The following ESRRG variants were observed in gnomAD, a reference collection of about 807,000 sequenced individuals.
The protein encoded by ESRRG is estrogen related receptor gamma.
ESRRG carries 13 observed loss-of-function variants against 44.0 expected under a neutral mutation model. That is an observed-to-expected ratio of 0.30 (90% confidence interval 0.19 to 0.47). The LOEUF (loss-of-function observed/expected upper bound fraction) is 0.47, where lower values mean the gene tolerates loss of function less well. ESRRG is among the 20% of genes least tolerant of loss of function. The pLI, the probability that ESRRG is intolerant of heterozygous loss-of-function variation, is 1.00. For synonymous variants in ESRRG, 215 were observed against 214.6 expected, an observed-to-expected ratio of 1.00 and a Z score of -0.02; for missense variants, 395 against 580.6, an observed-to-expected ratio of 0.68 and a Z score of 3.29.
chr1:216,720,014 G>A (rs547745800), intron 1 of ESRRG, among the ~76,000 whole-genome samples: 1 of 152,110 alleles, frequency 6.6e-6, no homozygotes, highest in African/African-American at 2.4e-5. Context: ...AAGGGCTAGT[G>A]GAACATGGGG....
chr1:216,651,062 G>A lies in ESRRG; in HGVS notation c.500C>T (p.Thr167Met), dbSNP rs774655818. 37 of 1,612,086 alleles carry A rather than the reference G, an allele frequency of 2.3e-5. No homozygotes were observed. In the Admixed American group the frequency reaches 2.7e-4, roughly 12 times the overall value. ...QGNIEYSCPA[T>M]NECEITKRRR... ...GCGCTTTGTGATTTCACATTCATTCGTGGCAGGGCAGCTGTATTCTATATT... is the reference window on the plus strand; with the variant it reads ...GCGCTTTGTGATTTCACATTCATTCATGGCAGGGCAGCTGTATTCTATATT... The change falls in exon 3 of 7, where the codon ACG becomes ATG. Residue 167 changes from threonine to methionine, a missense_variant. By Grantham distance (81) the Thr-to-Met change is moderately conservative. Transcript: ENST00000408911.
chr1:216,706,790 C>T (rs1429641327), intron 1 of ESRRG, among the ~76,000 whole-genome samples: 6 of 152,158 alleles, frequency 3.9e-5, no homozygotes. Flanking sequence ...CCTAACTTCA[C>T]TAATCATCTA....
intron 1 of ESRRG, among the ~76,000 whole-genome samples, chr1:217,077,481 C>T (rs746618642): frequency 4.6e-5 from 7 of 152,116 alleles, no homozygotes; most frequent in Non-Finnish European, 8.8e-5. Flanking sequence ...GGTAATACGA[C>T]CACCCTTGAA....
In ESRRG at chr1:216,584,279, C is replaced by T. The variant is rs188007797; in HGVS notation, c.590-16181G>A. Among the ~76,000 whole-genome samples, 859 of 144,990 alleles carry T rather than the reference C, an allele frequency of 5.9e-3. 3 individuals carry two copies. Among genetic ancestry groups the T allele is most frequent in the Middle Eastern group, 0.011 (3 of 280 alleles). On this transcript the variant is annotated intron_variant, in intron 3 of 6. Coordinates refer to ENST00000408911, the MANE Select transcript of ESRRG (RefSeq NM_001438.4). ...CTTACAATTTTTTTTTTTTTTGAGA[C>T]GGAGTCTTGTTCTGTTGCCCAGGCT...
intron 2 of ESRRG, among the ~76,000 whole-genome samples, chr1:216,872,456 G>T (rs971012107): frequency 6.6e-6 from 1 of 151,818 alleles, no homozygotes; most frequent in Non-Finnish European, 1.5e-5. Context: ...TTTAAAAATT[G>T]TCCCACACAT....
intron 2 of ESRRG, among the ~76,000 whole-genome samples, chr1:216,896,804 C>T (rs2058476493): frequency 6.6e-6 from 1 of 152,110 alleles, no homozygotes. Context: ...TATAATCAGC[C>T]ATATTATCTT....
chr1:216,652,175 T>C (rs2069160143), intron 2 of ESRRG, among the ~76,000 whole-genome samples: 1 of 152,182 alleles, frequency 6.6e-6, no homozygotes, highest in Non-Finnish European at 1.5e-5. Context: ...GGTCCGAGCA[T>C]AATTGCAATT....
At chr1:216,668,737 T>C (rs961956690) in intron 2 of ESRRG, among the ~76,000 whole-genome samples, 4 of 152,040 alleles carry the variant, frequency 2.6e-5, no homozygotes, top group Non-Finnish European at 5.9e-5. Context: ...CACACACATA[T>C]ATTCACGCAT....
In ESRRG at chr1:216,667,934, GA is replaced by G. The variant is rs573318280; in HGVS notation, c.472+9141del. On this transcript the variant is annotated intron_variant, in intron 2 of 6. Transcript: ENST00000408911. Reference sequence around the variant, plus strand: ...AACATGGTGAAACCCCGTCTCTACTGAAAAATACAAAAATTAGCCAGGTGTA... The same window carrying G: ...AACATGGTGAAACCCCGTCTCTACTGAAAATACAAAAATTAGCCAGGTGTA... 9.0e-3 allele frequency among the ~76,000 whole-genome samples: 1,358 copies of G among 151,194 alleles called. 21 individuals are homozygous for G. The highest frequency in any genetic ancestry group is 0.031 in the African/African-American group (1,287 of 41,202).
intron 3 of ESRRG, among the ~76,000 whole-genome samples, chr1:216,611,323 T>G (rs1173906548): frequency 1.3e-5 from 2 of 152,008 alleles, no homozygotes; most frequent in African/African-American, 4.8e-5. Context: ...TGTTTTCTTT[T>G]CATATAAATC....
chr1:216,807,909 A>G (rs751100800), intron 2 of ESRRG, among the ~76,000 whole-genome samples: 12 of 152,156 alleles, frequency 7.9e-5, no homozygotes, highest in South Asian at 2.1e-4. Flanking sequence ...ACAAAGCCCA[A>G]TAGAGTCATG....
chr1:216,772,643 A>T (rs1210768254), intron 2 of ESRRG, among the ~76,000 whole-genome samples: 1 of 152,144 alleles, frequency 6.6e-6, no homozygotes, highest in African/African-American at 2.4e-5. Context: ...TTTACCAGTG[A>T]CCTACTTCAG....
At chr1:216,913,837 T>C (rs1316540256) in intron 2 of ESRRG, among the ~76,000 whole-genome samples, 1 of 152,220 alleles carries the variant, frequency 6.6e-6, no homozygotes, top group Non-Finnish European at 1.5e-5. Flanking sequence ...AAATTAGCTA[T>C]CATTATAATT....
chr1:216,999,307 T>C (rs1334722037), intron 1 of ESRRG, among the ~76,000 whole-genome samples: 11 of 152,192 alleles, frequency 7.2e-5, no homozygotes, highest in Non-Finnish European at 1.2e-4. Flanking sequence ...TGTAAAGATA[T>C]TGTTGTTATG....
At chr1:216,602,556 G>A (rs1428230977) in intron 3 of ESRRG, among the ~76,000 whole-genome samples, 1 of 152,104 alleles carries the variant, frequency 6.6e-6, no homozygotes, top group African/African-American at 2.4e-5. Flanking sequence ...GAACACTTTG[G>A]CCATTTTAAC....
chr1:216,790,777 A>T (rs917009195), intron 2 of ESRRG, among the ~76,000 whole-genome samples: 1 of 152,090 alleles, frequency 6.6e-6, no homozygotes, highest in Non-Finnish European at 1.5e-5. Context: ...CAGTTGTAGT[A>T]ATTTCATCCT....
At chr1:216,707,049 G>A (rs1337064961) in intron 1 of ESRRG, among the ~76,000 whole-genome samples, 3 of 152,156 alleles carry the variant, frequency 2.0e-5, no homozygotes, top group Non-Finnish European at 4.4e-5. Flanking sequence ...ATTATCTCAA[G>A]ATTAAGGGCA....
At chr1:216,643,133 A>T (rs562244466) in intron 3 of ESRRG, among the ~76,000 whole-genome samples, 1 of 152,304 alleles carries the variant, frequency 6.6e-6, no homozygotes, top group African/African-American at 2.4e-5. Flanking sequence ...CCAGCAAAAC[A>T]GCTCTGGGAT....
At chr1:216,867,647 G>A (rs376086811) in intron 2 of ESRRG, among the ~76,000 whole-genome samples, 1 of 152,010 alleles carries the variant, frequency 6.6e-6, no homozygotes, top group East Asian at 1.9e-4. Flanking sequence ...GTCCAATTCT[G>A]TTTATTTGAG....
Sources: gnomAD v4.1 joint callset for allele counts (sites outside exome capture counted in the v4.1 genomes callset) on GRCh38, gnomAD v4.1.1 for gene constraint, MANE v1.5 for transcripts, NCBI Gene and HGNC (gene_info 2026-07-23, HGNC 2026-07-21) for gene names.